The following TBC1D8 variants were observed in gnomAD, a reference collection of about 807,000 sequenced individuals.
TBC1D8 encodes the protein TBC1 domain family member 8, also known as BUB2-like protein 1.
TBC1D8 carries 65 observed loss-of-function variants against 118.8 expected under a neutral mutation model. The observed-to-expected ratio is 0.55, with a 90% CI of 0.45 to 0.67. TBC1D8 has a LOEUF of 0.67. Ranked by LOEUF, TBC1D8 falls within the 30% of genes least tolerant of loss-of-function variation. The pLI, the probability that TBC1D8 is intolerant of heterozygous loss-of-function variation, is 0.00. For missense variants in TBC1D8, 1,376 were observed against 1,471.2 expected, an observed-to-expected ratio of 0.94 and a Z score of 1.06; for synonymous variants, 566 against 595.8, an observed-to-expected ratio of 0.95 and a Z score of 0.73.
intron 1 of TBC1D8, among the ~76,000 whole-genome samples, chr2:101,116,578 T>C (rs1677828323): frequency 6.6e-6 from 1 of 152,222 alleles, no homozygotes; most frequent in South Asian, 2.1e-4. Flanking sequence ...CTCAGAATGT[T>C]ACCTTATTTT....
intron 17 of TBC1D8, among the ~76,000 whole-genome samples, chr2:101,020,187 T>C (rs955249482): frequency 6.6e-6 from 1 of 152,084 alleles, no homozygotes; most frequent in African/African-American, 2.4e-5. Context: ...TCTGTACTAA[T>C]CTATGCAACT....
chr2:101,111,048 C>T lies in TBC1D8; in HGVS notation c.128-20684G>A, dbSNP rs1463002832. On this transcript the variant is annotated intron_variant, in intron 1 of 19. Coordinates refer to ENST00000409318, the MANE Select transcript of TBC1D8 (RefSeq NM_001330348.2). ...TTATTCACGAAAAGTCACAAATAAC[C>T]GAAAAAGACCACATGAAGTCCTTTC... Among the ~76,000 whole-genome samples the T allele has an allele frequency of 2.7e-5, 4 of 150,686 alleles. 1 individual carries two copies. In the South Asian group the frequency reaches 6.3e-4, roughly 24 times the overall value.
At chr2:101,147,689 C>T (rs1679375737) in intron 1 of TBC1D8, among the ~76,000 whole-genome samples, 1 of 152,064 alleles carries the variant, frequency 6.6e-6, no homozygotes. Context: ...ATTTTTCAAT[C>T]CAGTTATTAG....
At chr2:101,011,190 A>G (rs900283380) in intron 18 of TBC1D8, 164 bp from the exon 19 acceptor site, 28 of 726,980 alleles carry the variant, frequency 3.9e-5, no homozygotes, top group Non-Finnish European at 6.0e-5. Flanking sequence ...AGTGGGTGGT[A>G]ACTGGGGGAC....
In TBC1D8 at chr2:101,037,617, T is replaced by A; in HGVS notation, c.1367A>T (p.Glu456Val). The part of the protein sequence containing the change: ...MMSSQNSEES[E>V]KEKSPLMHPD... ...GTGCATCAGCGGGCTCTTCTCTTTC[T>A]CACTCTCCTCGCTATTTTGAGAAGA... The change falls in exon 8 of 20, where the codon GAG becomes GTG. Residue 456 changes from glutamate to valine, a missense_variant. Glu to Val is a moderately radical substitution (Grantham distance 121). Transcript: ENST00000409318. 1 of 1,613,916 alleles carries A rather than the reference T, an allele frequency of 6.2e-7. No individual in the cohort carries two copies. The highest frequency in any genetic ancestry group is 8.5e-7 in the Non-Finnish European group (1 of 1,179,892).
In TBC1D8 at chr2:101,007,837, T is replaced by TTAAG. The variant is rs764232602; in HGVS notation, c.3448_3451dup (p.Lys1151ThrfsTer2). The stretch of plus-strand genomic sequence containing the variant: ...GCTGTCTTGCTACAAGTTACTCAGC[T>TTAAG]TAAGTTCAGATTGTGATTGGTGGCT... On this transcript the variant is annotated stop_gained and frameshift_variant, in exon 20 of 20. Transcript: ENST00000409318. LOFTEE classifies it high-confidence loss of function. The TTAAG allele has an allele frequency of 3.6e-5, 58 of 1,613,662 alleles. No individual in the cohort carries two copies. The African/African-American group carries it at 5.5e-4, about 15-fold the overall frequency.
intron 1 of TBC1D8, among the ~76,000 whole-genome samples, chr2:101,138,562 A>T (rs1010354143): frequency 6.6e-6 from 1 of 152,212 alleles, no homozygotes; most frequent in African/African-American, 2.4e-5. Context: ...GGGTTCCCAT[A>T]ACCCCATCCT....
intron 1 of TBC1D8, among the ~76,000 whole-genome samples, chr2:101,116,519 C>CA: frequency 1.3e-5 from 2 of 152,184 alleles, no homozygotes; most frequent in East Asian, 3.9e-4. Flanking sequence ...TGGAAGGGGC[C>CA]AACTCGCCCC....
intron 1 of TBC1D8, among the ~76,000 whole-genome samples, chr2:101,146,901 C>G (rs1679339887): frequency 6.6e-6 from 1 of 152,210 alleles, no homozygotes; most frequent in African/African-American, 2.4e-5. Flanking sequence ...GTTCTACTCT[C>G]TGCTTTTATA....
At chr2:101,027,474 A>G in intron 14 of TBC1D8, 23 bp from the exon 15 acceptor site, 2 of 1,609,082 alleles carry the variant, frequency 1.2e-6, no homozygotes, top group Non-Finnish European at 8.5e-7. Flanking sequence ...ATAAACAGCA[A>G]TGGCGTGAAA....
chr2:101,011,342 C>T (rs770699265), intron 18 of TBC1D8, 109 bp downstream of exon 18: 75 of 1,137,170 alleles, frequency 6.6e-5, no homozygotes, highest in Non-Finnish European at 8.5e-5. Context: ...ATTCATTGGA[C>T]GAAGGGAAAA....
chr2:101,028,431 A>T lies in TBC1D8; in HGVS notation c.2224T>A (p.Phe742Ile), dbSNP rs759365632. 8 of 1,554,240 alleles carry T rather than the reference A, an allele frequency of 5.1e-6. No individual in the cohort carries two copies. Among genetic ancestry groups the T allele is most frequent in the Non-Finnish European group, 6.9e-6 (8 of 1,151,524 alleles). The change falls in exon 13 of 20, where the codon TTT (phenylalanine) becomes ATT (isoleucine). Residue 742 changes from phenylalanine (F) to isoleucine (I), a missense_variant and splice_region_variant. Physicochemically the swap from Phe to Ile is conservative, Grantham distance 21. Coordinates refer to ENST00000409318, the MANE Select transcript of TBC1D8 (RefSeq NM_001330348.2). ...TCCTCATTCTTAATGTGATCTAGAA[A>T]CCTGAACACACCGCCCCGTCAACGC... is the stretch of plus-strand genomic sequence containing the variant. The part of the protein sequence containing the change: ...DGQALMILSR[F>I]LDHIKNEDSP...
chr2:101,007,801 G>A lies in TBC1D8; in HGVS notation c.*20C>T. On this transcript the variant is annotated 3_prime_UTR_variant, in exon 20 of 20. Transcript: ENST00000409318. ...GCTTTGGTATGGTGGACTCCAGTGT[G>A]CATAGCAGCTGCTGTCTTGCTACAA... is the stretch of plus-strand genomic sequence containing the variant. The A allele has an allele frequency of 1.2e-6, 2 of 1,607,322 alleles. No homozygotes were observed. The highest frequency in any genetic ancestry group is 1.7e-6 in the Non-Finnish European group (2 of 1,175,508).
At chr2:101,124,779 T>C (rs12233027) in intron 1 of TBC1D8, among the ~76,000 whole-genome samples, 22,014 of 152,104 alleles carry the variant, frequency 0.14, 1,982 homozygotes, top group East Asian at 0.27. Context: ...GTTCATTACT[T>C]AGGAAGCTGT....
intron 5 of TBC1D8, among the ~76,000 whole-genome samples, chr2:101,049,967 C>G (rs929278662): frequency 2.0e-4 from 30 of 151,892 alleles, no homozygotes; most frequent in South Asian, 4.2e-4. Context: ...GCTGGGACTA[C>G]AGGCGCCTGC....
intron 1 of TBC1D8, among the ~76,000 whole-genome samples, chr2:101,142,413 G>A (rs1412762604): frequency 6.6e-6 from 1 of 152,010 alleles, no homozygotes; most frequent in Non-Finnish European, 1.5e-5. Flanking sequence ...ACCCAACAAG[G>A]TCACTCATAG....
chr2:101,024,117 A>G (rs1003527319), intron 15 of TBC1D8: 1 of 152,282 alleles, frequency 6.6e-6, no homozygotes, highest in Non-Finnish European at 1.5e-5. Flanking sequence ...AATGGTTGTA[A>G]TGCATATGCC....
chr2:101,022,342 G>T lies in TBC1D8; in HGVS notation c.2700C>A (p.Phe900Leu). ...GGTCCATGTTGTCATCCAAGAGCCT[G>T]AACGTCCTTTCGGCGAGGATCTCCG... ...AHTEILAERT[F>L]RLLDDNMDQL... is the part of the protein sequence containing the mutation. The change falls in exon 16 of 20, where the codon TTC becomes TTA. Residue 900 changes from phenylalanine (F) to leucine (L), a missense_variant. Transcript: ENST00000409318. 2 of 1,612,698 alleles carry T rather than the reference G, an allele frequency of 1.2e-6. No homozygotes were observed. The highest frequency in any genetic ancestry group is 1.7e-6 in the Non-Finnish European group (2 of 1,179,594).
chr2:101,052,479 CT>C (rs3043690), intron 4 of TBC1D8, among the ~76,000 whole-genome samples: 39 of 138,812 alleles, frequency 2.8e-4, no homozygotes, highest in East Asian at 4.2e-4. Flanking sequence ...TTTCCTAAAT[CT>C]TTTTTTTTTT....
Sources: allele counts gnomAD v4.1 joint callset (sites outside exome capture counted in the v4.1 genomes callset), GRCh38; gene constraint gnomAD v4.1.1; transcripts MANE v1.5; gene names NCBI Gene and HGNC (gene_info 2026-07-23, HGNC 2026-07-21).